The following RTP4 variants were observed in gnomAD, a reference collection of about 807,000 sequenced individuals.
RTP4 encodes receptor-transporting protein 4.
In RTP4, 5 loss-of-function variants were observed where a neutral mutation model predicts 6.5. The observed-to-expected ratio is 0.77, with a 90% CI of 0.40 to 1.62. The LOEUF (loss-of-function observed/expected upper bound fraction) is 1.62. Among genes scored for constraint, RTP4 ranks in the 40% most tolerant of loss-of-function variants. RTP4 has a pLI of 0.02. For synonymous variants in RTP4, 112 were observed against 114.8 expected, an observed-to-expected ratio of 0.98 and a Z score of 0.15; for missense variants, 266 against 288.7, an observed-to-expected ratio of 0.92 and a Z score of 0.57.
rs1333972197 is a variant in RTP4 at position 187,371,078 on chromosome 3, A to G, written c.446A>G (p.His149Arg). 3 of 1,614,234 alleles carry G rather than the reference A, an allele frequency of 1.9e-6. No individual in the cohort carries two copies. Among genetic ancestry groups the G allele is most frequent in the African/African-American group, 1.3e-5 (1 of 75,062 alleles). Residue 149 changes from histidine to arginine, a missense_variant, in exon 2 of 2, where the codon CAT becomes CGT. By Grantham distance (29) the His-to-Arg change is conservative. Coordinates refer to ENST00000259030, the MANE Select transcript of RTP4 (RefSeq NM_022147.3). ...CTGGAAGTGTCCCTGGAAGGATCCC[A>G]TGACACAGCCAATTGTGAGGCATGC... ...VILEVSLEGSHDTANCEACTL... is the reference protein window; with the variant it reads ...VILEVSLEGSRDTANCEACTL...
intron 1 of RTP4, 44 bp from the exon 2 acceptor site, chr3:187,370,744 A>G (rs1405107280): frequency 6.8e-7 from 1 of 1,467,752 alleles, no homozygotes; most frequent in South Asian, 1.2e-5. Context: ...CCTCAGGTTA[A>G]CAACCAGATG....
Position 187,371,161 on chromosome 3 carries a change from C to T in RTP4, c.529C>T (p.Leu177=). The change falls in exon 2 of 2, where the codon CTA becomes TTA. Residue 177 remains leucine, a synonymous_variant. Coordinates refer to ENST00000259030, the MANE Select transcript of RTP4 (RefSeq NM_022147.3). ...CTGCATGACAAAGCCGTCCAAATCCCTACTCCCCCACCTAAAGACTGGGAA... is the reference window on the plus strand; with the variant it reads ...CTGCATGACAAAGCCGTCCAAATCCTTACTCCCCCACCTAAAGACTGGGAA... ...KSCMTKPSKS[L]LPHLKTGNSS... 6.2e-7 allele frequency: 1 copy of T among 1,614,188 alleles called. No homozygotes were observed. Among genetic ancestry groups the T allele is most frequent in the Non-Finnish European group, 8.5e-7 (1 of 1,180,040 alleles).
At chr3:187,370,159 C>T (rs539972994) in intron 1 of RTP4, among the ~76,000 whole-genome samples, 3 of 152,272 alleles carry the variant, frequency 2.0e-5, no homozygotes, top group Admixed American at 6.5e-5. Context: ...CAAGGTCTTC[C>T]TGATGTAAAC....
chr3:187,369,660 A>C, intron 1 of RTP4, among the ~76,000 whole-genome samples: 1 of 150,574 alleles, frequency 6.6e-6, no homozygotes, highest in South Asian at 2.1e-4. Context: ...CAGAATAATA[A>C]ATTTATAAAT....
rs3821812 is a variant in RTP4 at position 187,371,024 on chromosome 3, C to T, written c.392C>T (p.Thr131Met). The change falls in exon 2 of 2, where the codon ACG becomes ATG. Residue 131 changes from threonine (T) to methionine (M), a missense_variant. Thr to Met is a moderately conservative substitution (Grantham distance 81). Transcript: ENST00000259030. Reference sequence around the variant, plus strand: ...CTGAAGAAATACTATGGAAATGGCACGAGGAAGTCTCCAGAAATGCCAGTA... The same window carrying T: ...CTGAAGAAATACTATGGAAATGGCATGAGGAAGTCTCCAGAAATGCCAGTA... ...HILKKYYGNG[T>M]RKSPEMPVIL... 0.36 allele frequency: 585,325 copies of T among 1,613,654 alleles called. 111,198 individuals are homozygous for T. Among genetic ancestry groups the T allele is most frequent in the East Asian group, 0.66 (29,707 of 44,846 alleles).
At position 187,368,433 on chromosome 3, in the gene RTP4, A is replaced by AG; in HGVS notation, c.-6dup. On this transcript the variant is annotated 5_prime_UTR_variant, in exon 1 of 2. Coordinates refer to ENST00000259030, the MANE Select transcript of RTP4 (RefSeq NM_022147.3). ...CTGAAAGCTACTCTCTCAGCTTCAG[A>AG]GGGAAAAAATGGTTGTAGATTTCTG... The AG allele has an allele frequency of 6.2e-7, 1 of 1,606,018 alleles. No homozygotes were observed. Among genetic ancestry groups the AG allele is most frequent in the Non-Finnish European group, 8.5e-7 (1 of 1,176,186 alleles).
rs370948271 is a variant in RTP4 at position 187,370,944 on chromosome 3, T to C, written c.312T>C (p.Pro104=). Residue 104 remains proline, a synonymous_variant, in exon 2 of 2, where the codon CCT becomes CCC. Coordinates refer to ENST00000259030, the MANE Select transcript of RTP4 (RefSeq NM_022147.3). ...QKCSWSQYEM[P]EFSSDSTMRI... ...GCTCCTGGTCCCAATATGAGATGCC[T>C]GAGTTCTCCTCGGATAGCACCATGA... The C allele has an allele frequency of 6.2e-7, 1 of 1,614,202 alleles. No homozygotes were observed. The highest frequency in any genetic ancestry group is 8.5e-7 in the Non-Finnish European group (1 of 1,180,028).
intron 1 of RTP4, 116 bp downstream of exon 1, chr3:187,368,712 T>C (rs993639983): frequency 1.0e-6 from 1 of 982,154 alleles, no homozygotes; most frequent in Non-Finnish European, 1.5e-6. Flanking sequence ...AGGGCCTCCA[T>C]CCTATTGTGG....
chr3:187,370,115 A>G (rs1711579689), intron 1 of RTP4, among the ~76,000 whole-genome samples: 1 of 152,214 alleles, frequency 6.6e-6, no homozygotes, highest in African/African-American at 2.4e-5. Context: ...TATGGATTCA[A>G]ACAATGAGGG....
chr3:187,369,628 T>C (rs1463485609), intron 1 of RTP4, among the ~76,000 whole-genome samples: 3 of 150,844 alleles, frequency 2.0e-5, no homozygotes, highest in African/African-American at 7.3e-5. Context: ...TATAATTATA[T>C]ATACATATGT....
chr3:187,369,009 CTT>C (rs10695577), intron 1 of RTP4, among the ~76,000 whole-genome samples: 1 of 136,262 alleles, frequency 7.3e-6, no homozygotes. Context: ...GGGACGGAGC[CTT>C]TTTTTTTTTT....
chr3:187,368,461 C>G lies in RTP4; in HGVS notation c.20C>G (p.Thr7Ser), dbSNP rs145508824. 4 of 1,612,760 alleles carry G rather than the reference C, an allele frequency of 2.5e-6. No homozygotes were observed. The highest frequency in any genetic ancestry group is 3.4e-6 in the Non-Finnish European group (4 of 1,179,536). MVVDFW[T>S]WEQTFQELIQ... ...GAAAAAATGGTTGTAGATTTCTGGA[C>G]TTGGGAGCAGACATTTCAAGAACTA... The change falls in exon 1 of 2, where the codon ACT (threonine) becomes AGT (serine). Residue 7 changes from threonine (T) to serine (S), a missense_variant. Coordinates refer to ENST00000259030, the MANE Select transcript of RTP4 (RefSeq NM_022147.3).
intron 1 of RTP4, among the ~76,000 whole-genome samples, chr3:187,369,475 A>ATC (rs1444165887): frequency 6.6e-6 from 1 of 151,848 alleles, no homozygotes; most frequent in African/African-American, 2.4e-5. Context: ...CTCCCTGCTC[A>ATC]TCCTTCAAGG....
In RTP4 at chr3:187,371,288, C is replaced by T; in HGVS notation, c.656C>T (p.Pro219Leu). The T allele has an allele frequency of 6.2e-7, 1 of 1,607,388 alleles. No individual in the cohort carries two copies. The highest frequency in any genetic ancestry group is 8.5e-7 in the Non-Finnish European group (1 of 1,179,982). ...GGGAGTGGGTATGAGAAATTAGGGC[C>T]CAGTCGAGACCCAGATCCACTGAAC... ...AKGSGYEKLG[P>L]SRDPDPLNIC... Residue 219 changes from proline to leucine, a missense_variant, in exon 2 of 2, where the codon CCC (proline) becomes CTC (leucine). Physicochemically the swap from Pro to Leu is moderately conservative, Grantham distance 98 (BLOSUM62 -3). Transcript: ENST00000259030.
rs1234606175 is a variant in RTP4 at position 187,371,991 on chromosome 3, TGCACATG to T, written c.*621_*627del. The T allele has an allele frequency of 3.3e-5, 5 of 152,456 alleles. No individual in the cohort carries two copies. Among genetic ancestry groups the T allele is most frequent in the African/African-American group, 1.2e-4 (5 of 41,464 alleles). The allele number at this position is 152,456 out of a possible 1,614,324, so 9.4% of individuals were successfully genotyped here. ...GTCTGCAGAAGGAACCAGCCCTGCC[TGCACATG>T]GCTTTAGCCCAGTGACACTGATTTT... is the stretch of plus-strand genomic sequence containing the variant. On this transcript the variant is annotated 3_prime_UTR_variant, in exon 2 of 2. Transcript: ENST00000259030.
Position 187,372,042 on chromosome 3 carries a change from A to G in RTP4, c.*669A>G, listed in dbSNP as rs1711627078. The stretch of plus-strand genomic sequence containing the variant: ...TGATTTTGGACATCTGACCTTCAGA[A>G]CTGCTTGCTCATAAACTTGTCTTGT... On this transcript the variant is annotated 3_prime_UTR_variant, in exon 2 of 2. Coordinates refer to ENST00000259030, the MANE Select transcript of RTP4 (RefSeq NM_022147.3). 1 of 152,320 alleles carries G rather than the reference A, an allele frequency of 6.6e-6. No homozygotes were observed. The highest frequency in any genetic ancestry group is 6.5e-5 in the Admixed American group (1 of 15,286). The allele number at this position is 152,320 out of a possible 1,614,324, so 9.4% of individuals were successfully genotyped here.
Position 187,368,406 on chromosome 3 carries a change from A to G in RTP4, c.-36A>G, listed in dbSNP as rs1711538175. On this transcript the variant is annotated 5_prime_UTR_variant, in exon 1 of 2. Coordinates refer to ENST00000259030, the MANE Select transcript of RTP4 (RefSeq NM_022147.3). ...TTGTCTCTTCCTGAGAAACGAGCAA[A>G]CCTGAAAGCTACTCTCTCAGCTTCA... 2 of 1,570,762 alleles carry G rather than the reference A, an allele frequency of 1.3e-6. No homozygotes were observed. Among genetic ancestry groups the G allele is most frequent in the Non-Finnish European group, 1.7e-6 (2 of 1,159,262 alleles).
In RTP4 at chr3:187,368,428, T is replaced by A; in HGVS notation, c.-14T>A. The A allele has an allele frequency of 2.5e-6, 4 of 1,604,784 alleles. No individual in the cohort carries two copies. Among genetic ancestry groups the A allele is most frequent in the Non-Finnish European group, 3.4e-6 (4 of 1,175,530 alleles). Reference sequence around the variant, plus strand: ...CAAACCTGAAAGCTACTCTCTCAGCTTCAGAGGGAAAAAATGGTTGTAGAT... The same window carrying A: ...CAAACCTGAAAGCTACTCTCTCAGCATCAGAGGGAAAAAATGGTTGTAGAT... On this transcript the variant is annotated 5_prime_UTR_variant, in exon 1 of 2. Coordinates refer to ENST00000259030, the MANE Select transcript of RTP4 (RefSeq NM_022147.3).
chr3:187,369,003 C>T (rs539056654), intron 1 of RTP4, among the ~76,000 whole-genome samples: 3 of 120,628 alleles, frequency 2.5e-5, no homozygotes, highest in South Asian at 2.8e-4. Context: ...AAGCCTGGGA[C>T]GGAGCCTTTT....
Sources: gnomAD v4.1 joint callset for allele counts (sites outside exome capture counted in the v4.1 genomes callset) on GRCh38, gnomAD v4.1.1 for gene constraint, MANE v1.5 for transcripts, NCBI Gene and HGNC (gene_info 2026-07-23, HGNC 2026-07-21) for gene names.